SLC25A37: variants seen among roughly 807,000 people sequenced by gnomAD.
SLC25A37 encodes the protein mitoferrin-1.
A neutral mutation model predicts 31.0 loss-of-function variants in SLC25A37; 17 were observed. That is an observed-to-expected ratio of 0.55 (90% CI 0.38 to 0.82). SLC25A37 has a LOEUF of 0.82. Among genes scored for constraint, SLC25A37 ranks in the 40% least tolerant of loss-of-function variants. The pLI, the probability that SLC25A37 is intolerant of heterozygous loss-of-function variation, is 0.00. For missense variants in SLC25A37, 404 were observed against 465.8 expected (o/e 0.87, Z 1.22); for synonymous variants, 222 against 193.0 (o/e 1.15, Z -1.24).
chr8:23,536,896 A>C (rs1287031529), intron 1 of SLC25A37, among the ~76,000 whole-genome samples: 1 of 152,188 alleles, frequency 6.6e-6, no homozygotes, highest in African/African-American at 2.4e-5. Flanking sequence ...CAGACTGCCC[A>C]AGTTAAAAGT....
chr8:23,560,464 A>G (rs1563263329), intron 1 of SLC25A37, among the ~76,000 whole-genome samples: 1 of 151,878 alleles, frequency 6.6e-6, no homozygotes, highest in Non-Finnish European at 1.5e-5. Context: ...TCCTCCTGTT[A>G]TCATACACTT....
At chr8:23,570,769 C>G (rs992672769) in intron 3 of SLC25A37, among the ~76,000 whole-genome samples, 2 of 152,208 alleles carry the variant, frequency 1.3e-5, no homozygotes, top group Non-Finnish European at 2.9e-5. Flanking sequence ...TCATTTGCCT[C>G]TTGTCCTGTG....
intron 1 of SLC25A37, among the ~76,000 whole-genome samples, chr8:23,548,818 A>G (rs558655707): frequency 6.6e-6 from 1 of 152,284 alleles, no homozygotes; most frequent in Admixed American, 6.5e-5. Flanking sequence ...CATTAAGGGT[A>G]AAACACTCTC....
intron 3 of SLC25A37, among the ~76,000 whole-genome samples, chr8:23,570,670 ATTTG>A (rs1340530984): frequency 6.6e-6 from 1 of 152,118 alleles, no homozygotes; most frequent in Non-Finnish European, 1.5e-5. Context: ...TACAGTCTTT[ATTTG>A]TTTAAAAGTA....
chr8:23,573,547 G>C lies in SLC25A37; in HGVS notation c.*1692G>C, dbSNP rs1802915998. The C allele has an allele frequency of 3.7e-6, 1 of 270,570 alleles. No individual in the cohort carries two copies. The highest frequency in any genetic ancestry group is 2.2e-5 in the African/African-American group (1 of 45,470). The allele number at this position is 270,570 out of a possible 1,614,324, so 16.8% of individuals were successfully genotyped here. A position where few individuals can be genotyped will look rare whatever the true frequency, so the allele number is the denominator to read the frequency against. Reference sequence around the variant, plus strand: ...TGGTGCATCTTACCGAGGAGGCGCAGGCCTGGATTCTTTTGAGTGGTGCTA... The same window carrying C: ...TGGTGCATCTTACCGAGGAGGCGCACGCCTGGATTCTTTTGAGTGGTGCTA... On this transcript the variant is annotated 3_prime_UTR_variant, in exon 4 of 4. Transcript: ENST00000519973.
chr8:23,572,203 T>TGAAAAAAA lies in SLC25A37; in HGVS notation c.*348_*349insGAAAAAAA, dbSNP rs1802873388. On this transcript the variant is annotated 3_prime_UTR_variant, in exon 4 of 4. Coordinates refer to ENST00000519973, the MANE Select transcript of SLC25A37 (RefSeq NM_016612.4). Reference sequence around the variant, plus strand: ...GAAAATTTGCAGTGACTGAAAACAGTAAAAAAAAAAAAAAAAAAAAAAAAA... The same window carrying TGAAAAAAA: ...GAAAATTTGCAGTGACTGAAAACAGTGAAAAAAAAAAAAAAAAAAAAAAAAAAAAAAAA... The TGAAAAAAA allele has an allele frequency of 1.2e-5, 1 of 85,756 alleles. No individual in the cohort carries two copies. The highest frequency in any genetic ancestry group is 6.5e-5 in the African/African-American group (1 of 15,276). 5.3% of individuals were successfully genotyped at this position (85,756 alleles called of 1,614,324 possible).
intron 1 of SLC25A37, among the ~76,000 whole-genome samples, chr8:23,546,081 G>A (rs2978462): frequency 0.029 from 4,370 of 151,856 alleles, 82 homozygotes; most frequent in Middle Eastern, 0.071. Context: ...GTTGCATTGA[G>A]CTGAGATCAT....
Position 23,571,941 on chromosome 8 carries a change from T to G in SLC25A37, c.*86T>G. On this transcript the variant is annotated 3_prime_UTR_variant, in exon 4 of 4. Transcript: ENST00000519973. ...CTCTCCTCACACGTAGATCATTTTTTTTTTGCAGGGTGCTGCCTATGGGCC... is the reference window on the plus strand; with the variant it reads ...CTCTCCTCACACGTAGATCATTTTTGTTTTGCAGGGTGCTGCCTATGGGCC... 1.3e-6 allele frequency: 2 copies of G among 1,483,604 alleles called. No homozygotes were observed. The highest frequency in any genetic ancestry group is 1.8e-6 in the Non-Finnish European group (2 of 1,098,412). 91.9% of individuals were successfully genotyped at this position (1,483,604 alleles called of 1,614,324 possible).
At chr8:23,558,011 G>A (rs11784870) in intron 1 of SLC25A37, among the ~76,000 whole-genome samples, 24,218 of 152,190 alleles carry the variant, frequency 0.16, 2,165 homozygotes, top group Admixed American at 0.25. Flanking sequence ...GTATCACAGT[G>A]CTTGTTTGTT....
In SLC25A37 at chr8:23,575,444, A is replaced by G. The variant is rs1802956370; in HGVS notation, c.*3589A>G. 6.6e-6 allele frequency: 1 copy of G among 152,220 alleles called. No individual in the cohort carries two copies. The highest frequency in any genetic ancestry group is 1.5e-5 in the Non-Finnish European group (1 of 68,050). 9.4% of individuals were successfully genotyped at this position (152,220 alleles called of 1,614,324 possible). A position where few individuals can be genotyped will look rare whatever the true frequency, so the allele number is the denominator to read the frequency against. ...TTGCAAAACACTGGAGCTAGAGAAAATAAAGTACTGATCTTCGAAGTGTTG... is the reference window on the plus strand; with the variant it reads ...TTGCAAAACACTGGAGCTAGAGAAAGTAAAGTACTGATCTTCGAAGTGTTG... On this transcript the variant is annotated 3_prime_UTR_variant, in exon 4 of 4. Transcript: ENST00000519973.
In SLC25A37 at chr8:23,529,307, C is replaced by T; in HGVS notation, c.210+95C>T. The stretch of plus-strand genomic sequence containing the variant: ...GCGCCGGCAGCCTCGGGGCAGCGTC[C>T]CGAAACCGAGCTCTCCCCAGGACCG... On this transcript the variant is annotated intron_variant, in intron 1 of 3. Coordinates refer to ENST00000519973, the MANE Select transcript of SLC25A37 (RefSeq NM_016612.4). This position sits in a 1 kb window ranked among gnomAD's most constrained non-coding sequence, Gnocchi z 4.1. The T allele has an allele frequency of 7.8e-7, 1 of 1,281,996 alleles. No homozygotes were observed. The highest frequency in any genetic ancestry group is 2.8e-5 in the East Asian group (1 of 35,336). The allele number at this position is 1,281,996 out of a possible 1,614,324, so 79.4% of individuals were successfully genotyped here.
At chr8:23,562,436 C>T (rs1376127134) in intron 1 of SLC25A37, among the ~76,000 whole-genome samples, 1 of 152,202 alleles carries the variant, frequency 6.6e-6, no homozygotes, top group East Asian at 1.9e-4. Context: ...AGACACAGTA[C>T]CCTTTCACCC....
At chr8:23,552,587 A>G (rs1802256317) in intron 1 of SLC25A37, among the ~76,000 whole-genome samples, 1 of 152,092 alleles carries the variant, frequency 6.6e-6, no homozygotes, top group Non-Finnish European at 1.5e-5. Context: ...CTTACCTGGG[A>G]GGTCTTTATT....
chr8:23,556,814 G>A (rs760275857), intron 1 of SLC25A37, among the ~76,000 whole-genome samples: 5 of 152,154 alleles, frequency 3.3e-5, no homozygotes, highest in East Asian at 1.9e-4. Context: ...TGCCTGCGAC[G>A]TGTGGGAATG....
chr8:23,544,286 G>C (rs565194812), intron 1 of SLC25A37, among the ~76,000 whole-genome samples: 6 of 152,176 alleles, frequency 3.9e-5, no homozygotes, highest in Non-Finnish European at 8.8e-5. Context: ...ACACTATAGC[G>C]TACAGCCTAG....
At chr8:23,552,253 A>G (rs1168440536) in intron 1 of SLC25A37, among the ~76,000 whole-genome samples, 1 of 152,216 alleles carries the variant, frequency 6.6e-6, no homozygotes. Context: ...GAAGATAAAC[A>G]TTTATTGAGT....
chr8:23,539,464 G>A (rs7819907), intron 1 of SLC25A37, among the ~76,000 whole-genome samples: 57,176 of 152,060 alleles, frequency 0.38, 12,479 homozygotes, highest in East Asian at 0.62. Flanking sequence ...CAGAAAGGGT[G>A]CATTTGAGAC....
rs34506562 is a variant in SLC25A37, at chr8:23,565,489, T to TAA, written c.211-607_211-606dup. Among the ~76,000 whole-genome samples, 23 of 147,590 alleles carry TAA rather than the reference T, an allele frequency of 1.6e-4. 1 individual carries two copies. In the East Asian group the frequency reaches 4.6e-3, roughly 29 times the overall value. The stretch of plus-strand genomic sequence containing the variant: ...CTTTCTTAACAAACTTGCTTTTACT[T>TAA]AAAAAAAAAAAAAGAAATTAAGAAC... On this transcript the variant is annotated intron_variant, in intron 1 of 3. Transcript: ENST00000519973.
intron 1 of SLC25A37, among the ~76,000 whole-genome samples, chr8:23,546,945 A>G (rs1345525945): frequency 1.3e-5 from 2 of 152,072 alleles, no homozygotes; most frequent in African/African-American, 4.8e-5. Context: ...TTATCCTTGG[A>G]ATTAGCACTG....
Sources: gnomAD v4.1 joint callset for allele counts (sites outside exome capture counted in the v4.1 genomes callset) on GRCh38, gnomAD v4.1.1 for gene constraint, Gnocchi (gnomAD v3.1) non-coding constraint, MANE v1.5 for transcripts, NCBI Gene and HGNC (gene_info 2026-07-23, HGNC 2026-07-21) for gene names.